The following FYB1 variants were observed in gnomAD, a reference collection of about 807,000 sequenced individuals.
The protein encoded by FYB1 is FYN-binding protein 1.
FYB1 carries 41 observed loss-of-function variants against 94.1 expected under a neutral mutation model. The observed-to-expected ratio is 0.44, with a 90% CI of 0.34 to 0.57. FYB1 has a LOEUF of 0.57. Ranked by LOEUF, FYB1 falls within the 20% of genes least tolerant of loss-of-function variation. The pLI, the probability that FYB1 is intolerant of heterozygous loss-of-function variation, is 0.02. For missense variants in FYB1, 1,050 were observed against 976.8 expected (o/e 1.07, Z -1.00); for synonymous variants, 367 against 353.2 (o/e 1.04, Z -0.44).
intron 3 of FYB1, among the ~76,000 whole-genome samples, chr5:39,148,158 TATATATATATATATATA>T (rs1742886729): frequency 1.9e-4 from 1 of 5,200 alleles, no homozygotes; most frequent in African/African-American, 6.6e-4. Context: ...GTATTTTTTA[TATATATATATATATATA>T]TATATATATA....
At position 39,153,454 on chromosome 5, in the gene FYB1, T is replaced by C. The variant is rs1452387379; in HGVS notation, c.1286A>G (p.Asp429Gly). Residue 429 changes from aspartate to glycine, a missense_variant, in exon 3 of 19, where the codon GAC becomes GGC. Coordinates refer to ENST00000512982, the MANE Select transcript of FYB1 (RefSeq NM_001465.6). ...AAGATAATCTTTTGCTTACTTTAGG[T>C]CAAACGGAGGTTTAATGTTTCTGGG... ...LPPRNIKPPF[D>G]LKSPVNEDNQ... The C allele has an allele frequency of 1.2e-6, 2 of 1,613,820 alleles. No homozygotes were observed. The highest frequency in any genetic ancestry group is 1.7e-6 in the Non-Finnish European group (2 of 1,179,800).
intron 18 of FYB1, 104 bp from the exon 19 acceptor site, chr5:39,107,569 T>TA (rs1445226087): frequency 9.6e-5 from 58 of 603,708 alleles, no homozygotes; most frequent in Middle Eastern, 4.8e-4. Flanking sequence ...GGTTAAGGAT[T>TA]AAAAAAAATA....
chr5:39,122,456 A>G, intron 13 of FYB1, 54 bp from the exon 14 acceptor site: 1 of 1,018,358 alleles, frequency 9.8e-7, no homozygotes, highest in Middle Eastern at 2.5e-4. Flanking sequence ...AGATTTTGAT[A>G]TGAGCATTCA....
intron 1 of FYB1, among the ~76,000 whole-genome samples, chr5:39,257,293 G>C (rs1417904706): frequency 2.0e-5 from 3 of 151,940 alleles, no homozygotes; most frequent in African/African-American, 7.2e-5. Flanking sequence ...AACAGTTTTT[G>C]GGAAAAAGTA....
chr5:39,202,846 A>G lies in FYB1; in HGVS notation c.115T>C (p.Phe39Leu), dbSNP rs1748492321. 2 of 1,613,834 alleles carry G rather than the reference A, an allele frequency of 1.2e-6. No individual in the cohort carries two copies. The highest frequency in any genetic ancestry group is 2.2e-5 in the East Asian group (1 of 44,884). The change falls in exon 2 of 19, where the codon TTC becomes CTC. Residue 39 changes from phenylalanine (F) to leucine (L), a missense_variant. Phe to Leu is a conservative substitution (Grantham distance 22). Transcript: ENST00000512982. Reference protein sequence around the residue: ...SSGIQARKNLFNNQGNASPPA... With the variant: ...SSGIQARKNLLNNQGNASPPA... ...GGGCTGGCATTTCCTTGGTTGTTGA[A>G]TAAGTTCTTTCTTGCTTGTATTCCT... is the stretch of plus-strand genomic sequence containing the variant.
intron 8 of FYB1, 148 bp downstream of exon 8, chr5:39,134,707 T>C: frequency 1.3e-6 from 1 of 750,792 alleles, no homozygotes; most frequent in Non-Finnish European, 2.2e-6. Flanking sequence ...AAGACGGAAC[T>C]ATACCTGCCA....
intron 3 of FYB1, among the ~76,000 whole-genome samples, chr5:39,147,710 T>C (rs933301247): frequency 2.0e-5 from 3 of 149,074 alleles, no homozygotes; most frequent in Non-Finnish European, 3.0e-5. Flanking sequence ...TTTTTTTTTT[T>C]TTTTTCTTTT....
chr5:39,128,007 T>TAACAAA (rs2150303083), intron 10 of FYB1, among the ~76,000 whole-genome samples, 200 bp from the exon 11 acceptor site: 1 of 152,272 alleles, frequency 6.6e-6, no homozygotes, highest in South Asian at 2.1e-4. Flanking sequence ...AAATGAGGGC[T>TAACAAA]AAGAGGCACT....
intron 13 of FYB1, among the ~76,000 whole-genome samples, 158 bp downstream of exon 13, chr5:39,124,095 C>T (rs1205995019): frequency 6.6e-6 from 1 of 152,086 alleles, no homozygotes. Flanking sequence ...TATCATTGAG[C>T]ACCTGTGACC....
intron 1 of FYB1, among the ~76,000 whole-genome samples, chr5:39,229,991 C>T (rs1750651916): frequency 6.6e-6 from 1 of 152,012 alleles, no homozygotes; most frequent in Non-Finnish European, 1.5e-5. Context: ...ATGGGCAAAT[C>T]AAGATCGGGA....
At chr5:39,140,999 G>A (rs1742124654) in intron 4 of FYB1, 96 bp downstream of exon 4, 3 of 804,446 alleles carry the variant, frequency 3.7e-6, no homozygotes, top group Non-Finnish European at 6.3e-6. Flanking sequence ...GACCAGTGAT[G>A]ATAATGACCC....
intron 3 of FYB1, among the ~76,000 whole-genome samples, chr5:39,146,007 G>T (rs1742617222): frequency 6.6e-6 from 1 of 151,590 alleles, no homozygotes; most frequent in African/African-American, 2.4e-5. Flanking sequence ...CTGTCTCCCG[G>T]GTTCAAGGGA....
chr5:39,158,256 C>T lies in FYB1; in HGVS notation c.1136-4652G>A, dbSNP rs183865480. On this transcript the variant is annotated intron_variant, in intron 2 of 18. Coordinates refer to ENST00000512982, the MANE Select transcript of FYB1 (RefSeq NM_001465.6). Reference sequence around the variant, plus strand: ...GAAGAGATCTTGCACAAGTCACGTTCCCCTGCTCAGGCATGCTGGAATGGG... The same window carrying T: ...GAAGAGATCTTGCACAAGTCACGTTTCCCTGCTCAGGCATGCTGGAATGGG... Among the ~76,000 whole-genome samples, 803 of 152,356 alleles carry T rather than the reference C, an allele frequency of 5.3e-3. 14 individuals are homozygous for T. Among genetic ancestry groups the T allele is most frequent in the Non-Finnish European group, 2.9e-3 (198 of 68,036 alleles).
chr5:39,244,326 T>A (rs1416430464), intron 1 of FYB1, among the ~76,000 whole-genome samples: 2 of 152,112 alleles, frequency 1.3e-5, no homozygotes, highest in East Asian at 1.9e-4. Context: ...ATCAATACCT[T>A]ATTTATAGAG....
intron 1 of FYB1, among the ~76,000 whole-genome samples, chr5:39,273,061 G>A (rs1035513938): frequency 3.3e-5 from 5 of 152,202 alleles, no homozygotes; most frequent in Non-Finnish European, 7.4e-5. Context: ...CCGTCCGGGA[G>A]GTGGGGGGCG....
At position 39,209,965 on chromosome 5, in the gene FYB1, G is replaced by T. The variant is rs1749211295; in HGVS notation, c.-27-6978C>A. 2.0e-5 allele frequency among the ~76,000 whole-genome samples: 3 copies of T among 152,250 alleles called. No individual in the cohort carries two copies. The South Asian group carries it at 6.2e-4, about 31-fold the overall frequency. On this transcript the variant is annotated intron_variant, in intron 1 of 18. Transcript: ENST00000512982. ...TGCAAATGGGCTGTGATGCATTCCA[G>T]TGGGCTGAGCCTCGGAGGCTGGAGA...
At chr5:39,263,612 C>A (rs462584) in intron 1 of FYB1, among the ~76,000 whole-genome samples, 59,261 of 152,010 alleles carry the variant, frequency 0.39, 12,073 homozygotes, top group Non-Finnish European at 0.46. Context: ...CCTTCTAGCT[C>A]CGTTTCCATA....
chr5:39,181,020 C>G (rs1274751749), intron 2 of FYB1, among the ~76,000 whole-genome samples: 4 of 152,182 alleles, frequency 2.6e-5, no homozygotes, highest in Non-Finnish European at 5.9e-5. Context: ...GCCAAGCACA[C>G]AGTTCAAAGG....
At chr5:39,258,579 G>A (rs1023989287) in intron 1 of FYB1, among the ~76,000 whole-genome samples, 3 of 152,070 alleles carry the variant, frequency 2.0e-5, no homozygotes, top group Non-Finnish European at 4.4e-5. Context: ...CAGCCTGGGT[G>A]ACAGAGCAAG....
Sources: gnomAD v4.1 joint callset for allele counts (sites outside exome capture counted in the v4.1 genomes callset) on GRCh38, gnomAD v4.1.1 for gene constraint, MANE v1.5 for transcripts, NCBI Gene and HGNC (gene_info 2026-07-23, HGNC 2026-07-21) for gene names.